SLC25A53: variants seen among roughly 807,000 people sequenced by gnomAD.
SLC25A53 encodes the protein mitochondrial carrier triple repeat protein 6.
In SLC25A53, 5 loss-of-function variants were observed where a neutral mutation model predicts 15.0. The ratio of observed to expected loss-of-function variants is 0.33; its 90% CI spans 0.17 to 0.70. The LOEUF is 0.70. SLC25A53 is among the 30% of genes least tolerant of loss of function. The pLI is 0.67. For synonymous variants in SLC25A53, 95 were observed against 100.0 expected, an observed-to-expected ratio of 0.95 and a Z score of 0.30; for missense variants, 216 against 241.6, an observed-to-expected ratio of 0.89 and a Z score of 0.70.
intron 1 of SLC25A53, chrX:104,115,342 A>G: frequency 8.8e-7 from 1 of 1,136,327 alleles, no homozygotes; most frequent in Non-Finnish European, 1.2e-6. Context: ...TCCAGCCCTA[A>G]ATGAGTCCTT....
intron 1 of SLC25A53, among the ~76,000 whole-genome samples, chrX:104,148,722 T>C (rs1328541711): frequency 9.1e-6 from 1 of 110,260 alleles, no homozygotes; most frequent in African/African-American, 3.3e-5. Flanking sequence ...TTAGGAGAAA[T>C]ACCTAATGTA....
intron 1 of SLC25A53, among the ~76,000 whole-genome samples, chrX:104,124,836 T>C (rs782311357): frequency 1.1e-3 from 112 of 99,434 alleles, no homozygotes; most frequent in Middle Eastern, 5.8e-3. Context: ...AATAACTTTT[T>C]TCCTTTTTTT....
chrX:104,119,769 G>A (rs2075387939), intron 1 of SLC25A53, among the ~76,000 whole-genome samples: 1 of 111,529 alleles, frequency 9.0e-6, no homozygotes. Flanking sequence ...TCACCATAAA[G>A]ATCAAGAAAC....
At chrX:104,132,310 G>A (rs2075427420) in intron 1 of SLC25A53, among the ~76,000 whole-genome samples, 1 of 112,068 alleles carries the variant, frequency 8.9e-6, no homozygotes, top group South Asian at 3.7e-4. Flanking sequence ...GTAACCTCTA[G>A]GGTGAGGTTA....
chrX:104,115,273 A>G (rs1556361040), intron 1 of SLC25A53: 1 of 1,185,356 alleles, frequency 8.4e-7, no homozygotes, highest in South Asian at 1.9e-5. Flanking sequence ...TACAGAGGAG[A>G]GGTCAAAAGA....
Position 104,104,758 on chromosome X carries a change from C to T in SLC25A53, c.500G>A (p.Trp167Ter). Residue 167 changes from tryptophan to a stop codon, truncating the protein, a stop_gained, in exon 2 of 2, where the codon TGG becomes TAG. Transcript: ENST00000594199. LOFTEE classifies it high-confidence loss of function. ...ATAGTAGCCCAGTGACAGCCGCCCC[C>T]AAAGCCCATAAGAATTGAATTCCTT... The part of the protein sequence containing the change: ...ILKEFNSYGL[W>*]GRLSLGYYRG... The T allele has an allele frequency of 8.3e-7, 1 of 1,211,656 alleles. No homozygotes were observed. Among genetic ancestry groups the T allele is most frequent in the Non-Finnish European group, 1.1e-6 (1 of 895,520 alleles).
In SLC25A53 at chrX:104,145,263, T is replaced by G. The variant is rs1301939147; in HGVS notation, c.-32+11615A>C. On this transcript the variant is annotated intron_variant, in intron 1 of 1. Transcript: ENST00000594199. ...AAATAAAGATGTTCTTTGAAACCAA[T>G]GAGAACAAAGACACAACGTATCAGA... is the stretch of plus-strand genomic sequence containing the variant. Among the ~76,000 whole-genome samples, 3 of 112,046 alleles carry G rather than the reference T, an allele frequency of 2.7e-5. No homozygotes were observed. In the East Asian group the frequency reaches 8.4e-4, roughly 31 times the overall value.
chrX:104,130,507 C>T (rs1195077593), intron 1 of SLC25A53: 2 of 111,311 alleles, frequency 1.8e-5, no homozygotes, highest in African/African-American at 6.5e-5. Context: ...CATATATTCT[C>T]TCGACTCTAG....
intron 1 of SLC25A53, among the ~76,000 whole-genome samples, chrX:104,155,703 C>T (rs183451712): frequency 9.0e-6 from 1 of 110,855 alleles, no homozygotes; most frequent in Admixed American, 9.6e-5. Flanking sequence ...CTTCCAGAGG[C>T]GCCTGGAAGT....
intron 1 of SLC25A53, among the ~76,000 whole-genome samples, chrX:104,143,294 C>T (rs1439602114): frequency 2.7e-5 from 3 of 111,338 alleles, no homozygotes; most frequent in African/African-American, 6.5e-5. Context: ...TGGGTAATAA[C>T]GAACTCCTCC....
rs782286773 is a variant in SLC25A53 at position 104,115,280 on chromosome X, A to C, written c.-31-9992T>G. On this transcript the variant is annotated intron_variant, in intron 1 of 1. Transcript: ENST00000594199. ...CTGACACATACAGAGGAGAGGTCAA[A>C]AGAGGTCCCTGGAGAACACAGTGAT... is the stretch of plus-strand genomic sequence containing the variant. 7 of 1,183,721 alleles carry C rather than the reference A, an allele frequency of 5.9e-6. No individual in the cohort carries two copies. In the South Asian group the frequency reaches 1.1e-4, roughly 19 times the overall value.
At chrX:104,114,676 C>T (rs782073514) in intron 1 of SLC25A53, 1 of 1,210,309 alleles carries the variant, frequency 8.3e-7, no homozygotes, top group African/African-American at 1.7e-5. Flanking sequence ...TAGGGACCTG[C>T]GCTTCAGGCT....
chrX:104,106,748 C>T (rs1207001137), intron 1 of SLC25A53, among the ~76,000 whole-genome samples: 17 of 110,927 alleles, frequency 1.5e-4, no homozygotes, highest in Non-Finnish European at 2.6e-4. Flanking sequence ...TCCAAAATCA[C>T]TCCCATCAGC....
chrX:104,141,894 C>T (rs1602502751), intron 1 of SLC25A53, among the ~76,000 whole-genome samples: 1 of 112,058 alleles, frequency 8.9e-6, no homozygotes, highest in Non-Finnish European at 1.9e-5. Flanking sequence ...AGTCCTAGGA[C>T]TTCCATTCTT....
At chrX:104,123,331 G>A (rs1189468041) in intron 1 of SLC25A53, among the ~76,000 whole-genome samples, 4 of 112,508 alleles carry the variant, frequency 3.6e-5, no homozygotes, top group African/African-American at 1.3e-4. Context: ...TAGTTGGGGA[G>A]GTGAGTGAGG....
Position 104,132,368 on chromosome X carries a change from C to A in SLC25A53, c.-32+24510G>T, listed in dbSNP as rs189683369. Among the ~76,000 whole-genome samples the A allele has an allele frequency of 3.6e-5, 4 of 111,822 alleles. No individual in the cohort carries two copies. In the East Asian group the frequency reaches 1.1e-3, roughly 32 times the overall value. Reference sequence around the variant, plus strand: ...ACTGGGGGCTTACTGGCTAATCAAGCTCCTTATGCCCCTGAACATGCCGTC... The same window carrying A: ...ACTGGGGGCTTACTGGCTAATCAAGATCCTTATGCCCCTGAACATGCCGTC... On this transcript the variant is annotated intron_variant, in intron 1 of 1. Transcript: ENST00000594199.
At chrX:104,132,783 G>A (rs1379901345) in intron 1 of SLC25A53, among the ~76,000 whole-genome samples, 2 of 112,104 alleles carry the variant, frequency 1.8e-5, no homozygotes, top group African/African-American at 6.5e-5. Flanking sequence ...ATTCCCTGAT[G>A]GGTGAACCTT....
chrX:104,123,589 TAA>T (rs1315702739), intron 1 of SLC25A53, among the ~76,000 whole-genome samples: 1 of 111,074 alleles, frequency 9.0e-6, no homozygotes, highest in African/African-American at 3.3e-5. Context: ...AATTATACTT[TAA>T]GTTCTGGGAT....
At chrX:104,119,532 G>A (rs901951282) in intron 1 of SLC25A53, among the ~76,000 whole-genome samples, 3 of 111,557 alleles carry the variant, frequency 2.7e-5, no homozygotes, top group Non-Finnish European at 5.6e-5. Context: ...CAGCAAATCT[G>A]TATTGTGTTT....
Sources: gnomAD v4.1 joint callset for allele counts (sites outside exome capture counted in the v4.1 genomes callset) on GRCh38, gnomAD v4.1.1 for gene constraint, MANE v1.5 for transcripts, NCBI Gene and HGNC (gene_info 2026-07-23, HGNC 2026-07-21) for gene names.